Variants in MAS1 observed in about 807,000 individuals in gnomAD.
MAS1 encodes the protein MAS1 proto-oncogene, G protein-coupled receptor.
For missense variants in MAS1, 387 were observed against 409.7 expected (o/e 0.94, Z 0.48); for synonymous variants, 163 against 164.2 (o/e 0.99, Z 0.05).
intron 1 of MAS1, among the ~76,000 whole-genome samples, chr6:159,896,924 A>G (rs532467884): frequency 6.6e-6 from 1 of 152,076 alleles, no homozygotes; most frequent in East Asian, 1.9e-4. Flanking sequence ...CCCCGGCTGG[A>G]GTGCAGTGGC....
rs567788951 is a variant in MAS1 at position 159,895,165 on chromosome 6, C to T, written c.-243-4021C>T. ...ACTTCACACATAGACGGACTGTTGA[C>T]AATGAGCTGGTGTGTGTGTATGTTG... is the stretch of plus-strand genomic sequence containing the variant. On this transcript the variant is annotated intron_variant, in intron 1 of 2. Transcript: ENST00000674077. Among the ~76,000 whole-genome samples the T allele has an allele frequency of 5.9e-5, 9 of 152,250 alleles. No individual in the cohort carries two copies. In the South Asian group the frequency reaches 1.7e-3, roughly 28 times the overall value.
chr6:159,907,753 G>C lies in MAS1; in HGVS notation c.798G>C (p.Leu266=), dbSNP rs1040405307. 6.2e-7 allele frequency: 1 copy of C among 1,613,594 alleles called. No individual in the cohort carries two copies. The highest frequency in any genetic ancestry group is 8.5e-7 in the Non-Finnish European group (1 of 1,179,944). ...STFGNLHHIS[L]LFSTINSSAN... is the part of the protein sequence containing the mutation. ...TTGGGAACCTACACCACATTTCCCT[G>C]CTCTTCTCCACAATCAACAGTAGCG... The change falls in exon 3 of 3, where the codon CTG becomes CTC. Residue 266 remains leucine (L), a synonymous_variant. Transcript: ENST00000674077.
chr6:159,904,220 C>A (rs554365807), intron 2 of MAS1, among the ~76,000 whole-genome samples: 2 of 152,072 alleles, frequency 1.3e-5, no homozygotes, highest in Non-Finnish European at 2.9e-5. Flanking sequence ...TTTAATGGCC[C>A]GTATTTCACA....
intron 2 of MAS1, among the ~76,000 whole-genome samples, chr6:159,903,789 A>C (rs146146263): frequency 5.9e-4 from 90 of 152,116 alleles, no homozygotes; most frequent in African/African-American, 2.1e-3. Flanking sequence ...TTTGCTTTCT[A>C]TCCATGTATA....
chr6:159,907,984 A>G lies in MAS1; in HGVS notation c.*51A>G. 1 of 1,533,480 alleles carries G rather than the reference A, an allele frequency of 6.5e-7. No homozygotes were observed. 95.0% of individuals were successfully genotyped at this position (1,533,480 alleles called of 1,614,324 possible). On this transcript the variant is annotated 3_prime_UTR_variant, in exon 3 of 3. Coordinates refer to ENST00000674077, the MANE Select transcript of MAS1 (RefSeq NM_002377.4). ...AAATGGTGGAACACAGGTCATTTTT[A>G]GTTTGTGCTTGGAATATGACTTAAG...
rs978193483 is a variant in MAS1 at position 159,912,279 on chromosome 6, A to G, written c.*4346A>G. On this transcript the variant is annotated 3_prime_UTR_variant, in exon 3 of 3. Transcript: ENST00000674077. ...TAGAAGATGCTTTACGGGCATCCCT[A>G]GAATTTCACCATTAGAAGAGTAGTT... is the stretch of plus-strand genomic sequence containing the variant. 1.3e-5 allele frequency: 2 copies of G among 152,220 alleles called. No homozygotes were observed. Among genetic ancestry groups the G allele is most frequent in the Admixed American group, 1.3e-4 (2 of 15,288 alleles). 9.4% of individuals were successfully genotyped at this position (152,220 alleles called of 1,614,324 possible).
chr6:159,889,230 G>A (rs919436532), upstream of MAS1, among the ~76,000 whole-genome samples: 3 of 152,232 alleles, frequency 2.0e-5, no homozygotes, highest in African/African-American at 4.8e-5. Flanking sequence ...TCCTCTGCCC[G>A]TGTGGACAGA....
rs756810150 is a variant in MAS1, at chr6:159,907,312, C to T, written c.357C>T (p.Gly119=). 15 of 1,614,094 alleles carry T rather than the reference C, an allele frequency of 9.3e-6. 1 individual carries two copies. The highest frequency in any genetic ancestry group is 1.1e-5 in the Non-Finnish European group (13 of 1,180,050). Residue 119 remains glycine, a synonymous_variant, in exon 3 of 3, where the codon GGC becomes GGT. Transcript: ENST00000674077. ...CTTTTCTGTTTGGCTACAACACGGGCCTCTATCTGCTGACGGCCATTAGTG... is the reference window on the plus strand; with the variant it reads ...CTTTTCTGTTTGGCTACAACACGGGTCTCTATCTGCTGACGGCCATTAGTG... The part of the protein sequence containing the change: ...SVTFLFGYNT[G]LYLLTAISVE...
chr6:159,912,475 G>A lies in MAS1; in HGVS notation c.*4542G>A, dbSNP rs1782975516. 6.6e-6 allele frequency: 1 copy of A among 152,230 alleles called. No homozygotes were observed. The highest frequency in any genetic ancestry group is 2.1e-4 in the South Asian group (1 of 4,838). The allele number at this position is 152,230 out of a possible 1,614,324, so 9.4% of individuals were successfully genotyped here. ...TCAGGCTGCTGAATGAGATGGTGAG[G>A]AGTGGGTGGTAGAAGTGAAGAAAGG... On this transcript the variant is annotated 3_prime_UTR_variant, in exon 3 of 3. Transcript: ENST00000674077.
At chr6:159,889,783 A>G (rs1782677011), upstream of MAS1, among the ~76,000 whole-genome samples, 1 of 152,208 alleles carries the variant, frequency 6.6e-6, no homozygotes, top group Non-Finnish European at 1.5e-5. Context: ...CCTACCCAGT[A>G]GATGCCTGCT....
chr6:159,913,610 C>T lies in MAS1; in HGVS notation c.*5677C>T, dbSNP rs551356565. The T allele has an allele frequency of 6.6e-6, 1 of 152,256 alleles. No individual in the cohort carries two copies. The highest frequency in any genetic ancestry group is 2.1e-4 in the South Asian group (1 of 4,824). The allele number at this position is 152,256 out of a possible 1,614,324, so 9.4% of individuals were successfully genotyped here. A position where few individuals can be genotyped will look rare whatever the true frequency, so the allele number is the denominator to read the frequency against. ...CAGCTGGAAAGGTGGACCAGAGTTC[C>T]TACACAAGGCCCTTTGATGTGGTTT... On this transcript the variant is annotated 3_prime_UTR_variant, in exon 3 of 3. Transcript: ENST00000674077.
chr6:159,907,967 GAACACAGGTCATT>G lies in MAS1; in HGVS notation c.*35_*47del. 6.5e-7 allele frequency: 1 copy of G among 1,545,510 alleles called. No homozygotes were observed. Among genetic ancestry groups the G allele is most frequent in the Non-Finnish European group, 8.7e-7 (1 of 1,147,916 alleles). On this transcript the variant is annotated 3_prime_UTR_variant, in exon 3 of 3. Coordinates refer to ENST00000674077, the MANE Select transcript of MAS1 (RefSeq NM_002377.4). ...AGGGAAGTTGTGGATAAAAATGGTG[GAACACAGGTCATT>G]TTTAGTTTGTGCTTGGAATATGACT...
At position 159,914,234 on chromosome 6, in the gene MAS1, C is replaced by T. The variant is rs2115125860; in HGVS notation, c.*6301C>T. The stretch of plus-strand genomic sequence containing the variant: ...TCGGAGATCTTCAATTCTTCTGGGT[C>T]CATTGCTACAGCTTTGTTATCTCTT... On this transcript the variant is annotated 3_prime_UTR_variant, in exon 3 of 3. Transcript: ENST00000674077. The T allele has an allele frequency of 6.6e-6, 1 of 152,276 alleles. No individual in the cohort carries two copies. The allele number at this position is 152,276 out of a possible 1,614,324, so 9.4% of individuals were successfully genotyped here.
chr6:159,890,209 T>A (rs771359136), upstream of MAS1, among the ~76,000 whole-genome samples: 1 of 152,210 alleles, frequency 6.6e-6, no homozygotes, highest in African/African-American at 2.4e-5. Flanking sequence ...TTGGCCATTT[T>A]TGGTTTTTAA....
In MAS1 at chr6:159,910,510, G is replaced by C. The variant is rs945388831; in HGVS notation, c.*2577G>C. The C allele has an allele frequency of 2.6e-5, 4 of 152,184 alleles. No homozygotes were observed. Among genetic ancestry groups the C allele is most frequent in the African/African-American group, 9.7e-5 (4 of 41,428 alleles). 9.4% of individuals were successfully genotyped at this position (152,184 alleles called of 1,614,324 possible). A position where few individuals can be genotyped will look rare whatever the true frequency, so the allele number is the denominator to read the frequency against. ...CACTCATCATGCCATATATCGATTT[G>C]CTTATTTGCTCGTTCTCTGTCTCTT... On this transcript the variant is annotated 3_prime_UTR_variant, in exon 3 of 3. Coordinates refer to ENST00000674077, the MANE Select transcript of MAS1 (RefSeq NM_002377.4).
chr6:159,893,372 G>T (rs2115106500), intron 1 of MAS1, among the ~76,000 whole-genome samples: 1 of 152,320 alleles, frequency 6.6e-6, no homozygotes, highest in South Asian at 2.1e-4. Flanking sequence ...GCAGTGTGAG[G>T]TCTGTGTCTC....
Position 159,917,343 on chromosome 6 carries a change from G to C in MAS1, c.*9410G>C, listed in dbSNP as rs1236842800. On this transcript the variant is annotated 3_prime_UTR_variant, in exon 3 of 3. Coordinates refer to ENST00000674077, the MANE Select transcript of MAS1 (RefSeq NM_002377.4). ...TGTAAATAGAATTCCAATTCTACATGCTCAGGGACCATTTTGTTCACTTGT... is the reference window on the plus strand; with the variant it reads ...TGTAAATAGAATTCCAATTCTACATCCTCAGGGACCATTTTGTTCACTTGT... Among the ~76,000 whole-genome samples the C allele has an allele frequency of 6.6e-6, 1 of 152,220 alleles. No individual in the cohort carries two copies. The highest frequency in any genetic ancestry group is 1.5e-5 in the Non-Finnish European group (1 of 68,040).
chr6:159,898,697 C>CCCTCCTCCTCCCT (rs1460999848), intron 1 of MAS1, among the ~76,000 whole-genome samples: 12 of 40,342 alleles, frequency 3.0e-4, no homozygotes, highest in South Asian at 8.5e-4. Context: ...TCTTCCTCCT[C>CCCTCCTCCTCCCT]CTTCATCCTC....
intron 1 of MAS1, among the ~76,000 whole-genome samples, chr6:159,895,842 G>A (rs555142385): frequency 2.3e-4 from 35 of 152,304 alleles, no homozygotes; most frequent in Admixed American, 2.1e-3. Flanking sequence ...CTTGAAGAAC[G>A]TTTATACCCT....
Sources: allele counts gnomAD v4.1 joint callset (sites outside exome capture counted in the v4.1 genomes callset), GRCh38; gene constraint gnomAD v4.1.1; transcripts MANE v1.5; gene names NCBI Gene and HGNC (gene_info 2026-07-23, HGNC 2026-07-21).